Variants in GAB1 observed in about 807,000 individuals in gnomAD.
GAB1 encodes GRB2 associated binding protein 1.
In GAB1, 19 loss-of-function variants were observed where a neutral mutation model predicts 66.5. That is an observed-to-expected ratio of 0.29 (90% confidence interval 0.20 to 0.42). The LOEUF (loss-of-function observed/expected upper bound fraction) is 0.42. Ranked by LOEUF, GAB1 falls within the 10% of genes least tolerant of loss-of-function variation. GAB1 has a pLI of 1.00. For missense variants in GAB1, 732 were observed against 858.5 expected (o/e 0.85, Z 1.84); for synonymous variants, 294 against 301.4 (o/e 0.98, Z 0.25).
chr4:143,415,239 TAGG>T (rs1250981739), intron 1 of GAB1, among the ~76,000 whole-genome samples: 1 of 152,202 alleles, frequency 6.6e-6, no homozygotes, highest in African/African-American at 2.4e-5. Context: ...TATTATATAG[TAGG>T]AGATTTAATC....
At chr4:143,399,960 G>A (rs1731677582) in intron 1 of GAB1, among the ~76,000 whole-genome samples, 1 of 142,042 alleles carries the variant, frequency 7.0e-6, no homozygotes, top group Admixed American at 7.2e-5. Context: ...TTTTTTTCGA[G>A]ATAGGGTCTC....
At chr4:143,395,891 C>T in intron 1 of GAB1, 5 of 455,014 alleles carry the variant, frequency 1.1e-5, no homozygotes, top group Admixed American at 7.0e-5. Context: ...TGGACCGCCC[C>T]CCGCCCCCGG....
intron 2 of GAB1, among the ~76,000 whole-genome samples, chr4:143,416,464 A>G (rs1732696798): frequency 6.6e-6 from 1 of 151,700 alleles, no homozygotes; most frequent in African/African-American, 2.4e-5. Flanking sequence ...ATTTAAAAAT[A>G]TATTTTAAAA....
At chr4:143,426,614 T>C (rs1457559630) in intron 2 of GAB1, among the ~76,000 whole-genome samples, 1 of 152,176 alleles carries the variant, frequency 6.6e-6, no homozygotes, top group Non-Finnish European at 1.5e-5. Flanking sequence ...ATGAAACATT[T>C]TTTCAGCATC....
chr4:143,467,267 C>T (rs1735841028), intron 9 of GAB1, among the ~76,000 whole-genome samples: 1 of 152,172 alleles, frequency 6.6e-6, no homozygotes, highest in African/African-American at 2.4e-5. Context: ...TTGTAATTCC[C>T]TTGTAGATAA....
intron 6 of GAB1, among the ~76,000 whole-genome samples, chr4:143,443,048 G>C (rs187392520): frequency 4.5e-5 from 6 of 132,702 alleles, no homozygotes; most frequent in East Asian, 4.2e-4. Flanking sequence ...ACAGAGTCTC[G>C]CTCTGTTGCC....
Position 143,469,151 on chromosome 4 carries a change from T to C in GAB1, c.2047T>C (p.Ser683Pro). 6.2e-7 allele frequency: 1 copy of C among 1,614,062 alleles called. No individual in the cohort carries two copies. Among genetic ancestry groups the C allele is most frequent in the Non-Finnish European group, 8.5e-7 (1 of 1,179,970 alleles). ...TREAWTDGRQ[S>P]TESETPAKSV... is the part of the protein sequence containing the mutation. Reference sequence around the variant, plus strand: ...GGAAGCCTGGACAGATGGGAGACAGTCCACAGAATCAGAAACGCCAGCGAA... The same window carrying C: ...GGAAGCCTGGACAGATGGGAGACAGCCCACAGAATCAGAAACGCCAGCGAA... The change falls in exon 10 of 10, where the codon TCC becomes CCC. Residue 683 changes from serine to proline, a missense_variant. By Grantham distance (74) the Ser-to-Pro change is moderately conservative. Transcript: ENST00000262994.
chr4:143,369,533 G>C (rs905229503), intron 1 of GAB1, among the ~76,000 whole-genome samples: 3 of 152,196 alleles, frequency 2.0e-5, no homozygotes, highest in African/African-American at 7.2e-5. Context: ...CCCACAGAAG[G>C]TCAGCCTCAA....
chr4:143,352,262 A>G (rs1278945560), intron 1 of GAB1, among the ~76,000 whole-genome samples: 1 of 152,174 alleles, frequency 6.6e-6, no homozygotes, highest in African/African-American at 2.4e-5. Flanking sequence ...TATAAATTAC[A>G]TGTAATCAAG....
chr4:143,438,222 G>T lies in GAB1; in HGVS notation c.817G>T (p.Val273Leu), dbSNP rs773251956. ...RSYSHDVLPKVSPSSTEADGE... is the reference protein window; with the variant it reads ...RSYSHDVLPKLSPSSTEADGE... ...TTATTCCCATGATGTTTTACCAAAGGTGTCTCCATCAAGTACTGAAGCAGA... is the reference window on the plus strand; with the variant it reads ...TTATTCCCATGATGTTTTACCAAAGTTGTCTCCATCAAGTACTGAAGCAGA... The change falls in exon 4 of 10, where the codon GTG (valine) becomes TTG (leucine). Residue 273 changes from valine (V) to leucine (L), a missense_variant. Val to Leu is a conservative substitution (Grantham distance 32, BLOSUM62 1). Transcript: ENST00000262994. 2 of 1,614,044 alleles carry T rather than the reference G, an allele frequency of 1.2e-6. No homozygotes were observed. The highest frequency in any genetic ancestry group is 1.7e-5 in the Admixed American group (1 of 59,982).
At chr4:143,421,698 C>CTTTTTTTTTTT (rs70953733) in intron 2 of GAB1, among the ~76,000 whole-genome samples, 60 of 118,672 alleles carry the variant, frequency 5.1e-4, no homozygotes, top group Non-Finnish European at 7.5e-4. Flanking sequence ...CTTTTCTTTT[C>CTTTTTTTTTTT]TTTTTTTTTT....
chr4:143,455,907 C>G (rs539979736), intron 6 of GAB1, among the ~76,000 whole-genome samples: 1 of 152,248 alleles, frequency 6.6e-6, no homozygotes, highest in South Asian at 2.1e-4. Context: ...AAAGGTAAGA[C>G]AGTGTGGTAT....
At chr4:143,459,603 G>A in intron 7 of GAB1, 125 bp downstream of exon 7, 1 of 693,368 alleles carries the variant, frequency 1.4e-6, no homozygotes, top group Non-Finnish European at 2.6e-6. Context: ...CCCTTTTTGG[G>A]GGTTCTGTGA....
chr4:143,434,544 C>T (rs1023631367), intron 3 of GAB1, among the ~76,000 whole-genome samples: 2 of 151,756 alleles, frequency 1.3e-5, no homozygotes, highest in Non-Finnish European at 1.5e-5. Context: ...TTTGTAGTGA[C>T]GAGGTCTCAC....
chr4:143,368,841 A>G (rs541609874), intron 1 of GAB1, among the ~76,000 whole-genome samples: 1 of 152,212 alleles, frequency 6.6e-6, no homozygotes, highest in African/African-American at 2.4e-5. Context: ...CTGGAGCACT[A>G]TGGCGCCATC....
intron 1 of GAB1, among the ~76,000 whole-genome samples, chr4:143,338,375 A>G (rs1728725827): frequency 6.6e-6 from 1 of 152,188 alleles, no homozygotes; most frequent in South Asian, 2.1e-4. Flanking sequence ...TCGTTGAGGA[A>G]TATCTACACC....
intron 1 of GAB1, among the ~76,000 whole-genome samples, chr4:143,368,912 G>C (rs570891007): frequency 6.6e-6 from 1 of 152,028 alleles, no homozygotes; most frequent in Non-Finnish European, 1.5e-5. Flanking sequence ...AGCCTCCCGA[G>C]TAGCTGAGAT....
chr4:143,398,055 A>G (rs1014785598), intron 1 of GAB1, among the ~76,000 whole-genome samples: 10 of 152,180 alleles, frequency 6.6e-5, no homozygotes, highest in Non-Finnish European at 1.2e-4. Context: ...CTGGGTTCCT[A>G]TATCCTGAGC....
At chr4:143,416,470 T>G (rs1049341016) in intron 2 of GAB1, among the ~76,000 whole-genome samples, 1 of 151,126 alleles carries the variant, frequency 6.6e-6, no homozygotes, top group African/African-American at 2.4e-5. Flanking sequence ...AAATATATTT[T>G]AAAACTATAT....
Sources: gnomAD v4.1 joint callset for allele counts (sites outside exome capture counted in the v4.1 genomes callset) on GRCh38, gnomAD v4.1.1 for gene constraint, MANE v1.5 for transcripts, NCBI Gene and HGNC (gene_info 2026-07-23, HGNC 2026-07-21) for gene names.